The following COL14A1 variants were observed in gnomAD, a reference collection of about 807,000 sequenced individuals.
COL14A1 encodes collagen type XIV alpha 1 chain, also known as collagen alpha-1(XIV) chain.
In COL14A1, 136 loss-of-function variants were observed where a neutral mutation model predicts 230.3. That is an observed-to-expected ratio of 0.59 (90% CI 0.51 to 0.68). The LOEUF (loss-of-function observed/expected upper bound fraction) is 0.68, where lower values mean the gene tolerates loss of function less well. Among genes scored for constraint, COL14A1 ranks in the 30% least tolerant of loss-of-function variants. COL14A1 has a pLI of 0.00. For missense variants in COL14A1, 1,976 were observed against 2,215.8 expected, an observed-to-expected ratio of 0.89 and a Z score of 2.17; for synonymous variants, 792 against 784.1, an observed-to-expected ratio of 1.01 and a Z score of -0.17.
At chr8:120,248,487 G>A (rs998773655) in intron 21 of COL14A1, among the ~76,000 whole-genome samples, 3 of 152,136 alleles carry the variant, frequency 2.0e-5, no homozygotes, top group African/African-American at 7.2e-5. Flanking sequence ...CAGTTTTCTA[G>A]ACCTGGGCCT....
Position 120,260,720 on chromosome 8 carries a change from C to T in COL14A1, c.2870-2148C>T, listed in dbSNP as rs113255686. 3.8e-3 allele frequency among the ~76,000 whole-genome samples: 574 copies of T among 152,256 alleles called. 2 individuals are homozygous for T. The highest frequency in any genetic ancestry group is 0.013 in the African/African-American group (523 of 41,554). On this transcript the variant is annotated intron_variant, in intron 23 of 47. Transcript: ENST00000297848. ...CATTGTGGTAAAAACAACAACAATG[C>T]TCTGTGCCTACGAGGAAAACACTTG...
At chr8:120,294,095 C>G (rs1202081046) in intron 34 of COL14A1, among the ~76,000 whole-genome samples, 1 of 151,460 alleles carries the variant, frequency 6.6e-6, no homozygotes, top group African/African-American at 2.4e-5. Context: ...GTAAAGCTCT[C>G]TAGATATTTA....
chr8:120,345,569 C>G lies in COL14A1; in HGVS notation c.5077+6C>G, dbSNP rs1563749745. 1.3e-6 allele frequency: 2 copies of G among 1,530,088 alleles called. No homozygotes were observed. The highest frequency in any genetic ancestry group is 1.7e-6 in the Non-Finnish European group (2 of 1,145,014). The allele number at this position is 1,530,088 out of a possible 1,614,324, so 94.8% of individuals were successfully genotyped here. A position where few individuals can be genotyped will look rare whatever the true frequency, so the allele number is the denominator to read the frequency against. ...AGGGACCCCAGGAGAACGAGGTAAG[C>G]TGGGCCCCTTCTCTCAGAGGAACTC... is the stretch of plus-strand genomic sequence containing the variant. On this transcript the variant is annotated splice_donor_region_variant and intron_variant, in intron 45 of 47. Coordinates refer to ENST00000297848, the MANE Select transcript of COL14A1 (RefSeq NM_021110.4).
chr8:120,187,963 G>A (rs1490289212), intron 5 of COL14A1, among the ~76,000 whole-genome samples: 3 of 152,100 alleles, frequency 2.0e-5, no homozygotes, highest in Non-Finnish European at 4.4e-5. Context: ...TGACACCCTG[G>A]ACAAATCACA....
chr8:120,336,390 G>A (rs1193064353), intron 42 of COL14A1, among the ~76,000 whole-genome samples: 1 of 152,080 alleles, frequency 6.6e-6, no homozygotes, highest in Non-Finnish European at 1.5e-5. Context: ...AAAACATAAG[G>A]CAAACACAGA....
At chr8:120,262,741 A>T in intron 23 of COL14A1, 127 bp from the exon 24 acceptor site, 2 of 811,822 alleles carry the variant, frequency 2.5e-6, no homozygotes, top group South Asian at 4.3e-5. Context: ...AAACAAATAT[A>T]ACTCATTCTG....
intron 20 of COL14A1, among the ~76,000 whole-genome samples, chr8:120,246,660 A>C (rs142573720): frequency 2.7e-4 from 41 of 152,328 alleles, no homozygotes; most frequent in African/African-American, 8.9e-4. Context: ...TTACGTCTTA[A>C]AAATCTCTAT....
At position 120,315,924 on chromosome 8, in the gene COL14A1, T is replaced by G. The variant is rs1467429383; in HGVS notation, c.4606-20T>G. 1.2e-6 allele frequency: 2 copies of G among 1,612,992 alleles called. No homozygotes were observed. Among genetic ancestry groups the G allele is most frequent in the East Asian group, 4.5e-5 (2 of 44,848 alleles). On this transcript the variant is annotated intron_variant, in intron 39 of 47. Transcript: ENST00000297848. ...CTCATTCCTGTGAACCTGACTCTTT[T>G]TTGTCCCTGTTCTACACAGGGTATC...
In COL14A1 at chr8:120,225,198, T is replaced by A. The variant is rs757080954; in HGVS notation, c.1848T>A (p.Thr616=). The part of the protein sequence containing the change: ...IYDEGQSEPL[T]GVFTTEEVPA... Reference sequence around the variant, plus strand: ...ATGAAGGACAGTCAGAGCCTCTGACTGGAGTTTTTACCACCGGTAAGCAGC... The same window carrying A: ...ATGAAGGACAGTCAGAGCCTCTGACAGGAGTTTTTACCACCGGTAAGCAGC... The change falls in exon 15 of 48, where the codon ACT becomes ACA. Residue 616 remains threonine, a synonymous_variant. Transcript: ENST00000297848. The A allele has an allele frequency of 3.1e-6, 5 of 1,612,082 alleles. No individual in the cohort carries two copies. The highest frequency in any genetic ancestry group is 4.2e-6 in the Non-Finnish European group (5 of 1,179,472).
chr8:120,316,193 TA>T (rs1245756954), intron 40 of COL14A1, among the ~76,000 whole-genome samples, 196 bp downstream of exon 40: 1 of 152,230 alleles, frequency 6.6e-6, no homozygotes, highest in Non-Finnish European at 1.5e-5. Context: ...CGTCAAACCC[TA>T]GGAACTTTCA....
In COL14A1 at chr8:120,226,318, T is replaced by A. The variant is rs944137610; in HGVS notation, c.1865-309T>A. 1.1e-3 allele frequency among the ~76,000 whole-genome samples: 164 copies of A among 151,764 alleles called. 2 individuals are homozygous for A. The highest frequency in any genetic ancestry group is 2.4e-4 in the Non-Finnish European group (16 of 67,954). ...TGGAAAATAATATTTAAAAAAAAAATGAATATGGCACTCTTGTTTTTTATA... is the reference window on the plus strand; with the variant it reads ...TGGAAAATAATATTTAAAAAAAAAAAGAATATGGCACTCTTGTTTTTTATA... On this transcript the variant is annotated intron_variant, in intron 15 of 47. Coordinates refer to ENST00000297848, the MANE Select transcript of COL14A1 (RefSeq NM_021110.4).
intron 2 of COL14A1, among the ~76,000 whole-genome samples, chr8:120,153,637 A>G (rs113238206): frequency 0.025 from 3,822 of 152,328 alleles, 57 homozygotes; most frequent in African/African-American, 0.039. Context: ...AAAACTCTCA[A>G]TGTGATTCAT....
intron 8 of COL14A1, among the ~76,000 whole-genome samples, chr8:120,200,711 CTATT>C (rs1220032699): frequency 6.0e-4 from 46 of 76,802 alleles, no homozygotes; most frequent in African/African-American, 1.7e-3. Flanking sequence ...AAAAGTTTTC[CTATT>C]TATATATATA....
intron 5 of COL14A1, among the ~76,000 whole-genome samples, chr8:120,193,208 G>A (rs887227924): frequency 1.3e-5 from 2 of 152,160 alleles, no homozygotes; most frequent in Non-Finnish European, 2.9e-5. Flanking sequence ...TGATGGTGAT[G>A]TACGGATAGG....
chr8:120,346,129 A>G (rs1214406644), intron 45 of COL14A1, among the ~76,000 whole-genome samples: 2 of 152,230 alleles, frequency 1.3e-5, no homozygotes, highest in East Asian at 3.8e-4. Flanking sequence ...TCATCTTCCT[A>G]TTATATCAGA....
At chr8:120,253,288 C>T (rs549155203) in intron 22 of COL14A1, among the ~76,000 whole-genome samples, 5 of 152,220 alleles carry the variant, frequency 3.3e-5, no homozygotes, top group East Asian at 1.9e-4. Context: ...GGATTACAGG[C>T]GTGAGCCACT....
At chr8:120,145,729 A>T (rs1317454949) in intron 1 of COL14A1, among the ~76,000 whole-genome samples, 1 of 152,188 alleles carries the variant, frequency 6.6e-6, no homozygotes, top group Non-Finnish European at 1.5e-5. Flanking sequence ...GTGAATTAGG[A>T]TGTTCATTGT....
Position 120,199,527 on chromosome 8 carries a change from A to G in COL14A1, c.838A>G (p.Arg280Gly). Residue 280 changes from arginine (R) to glycine (G), a missense_variant, in exon 8 of 48, where the codon AGA becomes GGA. Physicochemically the swap from Arg to Gly is moderately radical, Grantham distance 125. Transcript: ENST00000297848. ...CCAAGATGACATTATTCCACCATCT[A>G]GAAATCTTCGTGAGTCTGGTGTAGA... Reference protein sequence around the residue: ...KSQDDIIPPSRNLRESGVELF... With the variant: ...KSQDDIIPPSGNLRESGVELF... 6.2e-7 allele frequency: 1 copy of G among 1,613,126 alleles called. No individual in the cohort carries two copies.
At chr8:120,231,381 G>A in intron 18 of COL14A1, 86 bp from the exon 19 acceptor site, 1 of 1,392,506 alleles carries the variant, frequency 7.2e-7, no homozygotes, top group Non-Finnish European at 9.9e-7. Flanking sequence ...AATGATGCTT[G>A]CTGTCACCCC....
Sources: gnomAD v4.1 joint callset for allele counts (sites outside exome capture counted in the v4.1 genomes callset) on GRCh38, gnomAD v4.1.1 for gene constraint, MANE v1.5 for transcripts, NCBI Gene and HGNC (gene_info 2026-07-23, HGNC 2026-07-21) for gene names.